The following RBPJ variants were observed in gnomAD, a reference collection of about 807,000 sequenced individuals.
RBPJ encodes recombination signal binding protein for immunoglobulin kappa J region.
In RBPJ, 9 loss-of-function variants were observed where a neutral mutation model predicts 67.8. The observed-to-expected ratio is 0.13, with a 90% CI of 0.08 to 0.23. The LOEUF is 0.23. Among genes scored for constraint, RBPJ ranks in the 10% least tolerant of loss-of-function variants. The probability of loss-of-function intolerance (pLI) is 1.00; values close to 1 mark genes in which losing one functional copy is unlikely to be tolerated. For missense variants in RBPJ, 305 were observed against 595.6 expected (o/e 0.51, Z 5.08); for synonymous variants, 198 against 203.3 (o/e 0.97, Z 0.22).
At chr4:26,140,533 G>A in the RBPJ span, among the ~76,000 whole-genome samples, 1 of 151,966 alleles carries the variant, frequency 6.6e-6, no homozygotes, top group African/African-American at 2.4e-5. Context: ...AATGGCTCCC[G>A]ATGGGCAGGG....
chr4:26,173,814 T>C (rs1364184808), intron 1 of RBPJ, among the ~76,000 whole-genome samples: 2 of 152,200 alleles, frequency 1.3e-5, no homozygotes, highest in Non-Finnish European at 2.9e-5. Flanking sequence ...GTGCTGAGCA[T>C]ATTAAAATAA....
At chr4:26,415,354 A>G in intron 3 of RBPJ, 121 bp from the exon 4 acceptor site, 3 of 867,464 alleles carry the variant, frequency 3.5e-6, no homozygotes. Context: ...AAAATTTTTC[A>G]TTGGGGAATA....
intron 1 of RBPJ, among the ~76,000 whole-genome samples, chr4:26,272,933 T>C (rs910150458): frequency 1.3e-4 from 20 of 152,212 alleles, no homozygotes; most frequent in African/African-American, 4.8e-4. Flanking sequence ...CTAAGGTGAA[T>C]GTTTACATTA....
At chr4:26,229,365 C>T (rs1197063413) in intron 1 of RBPJ, among the ~76,000 whole-genome samples, 2 of 152,144 alleles carry the variant, frequency 1.3e-5, no homozygotes, top group Non-Finnish European at 2.9e-5. Context: ...CCTGGCACAA[C>T]TCAGAAATGG....
intron 1 of RBPJ, among the ~76,000 whole-genome samples, chr4:26,332,673 C>T (rs181451625): frequency 6.6e-6 from 1 of 152,278 alleles, no homozygotes; most frequent in African/African-American, 2.4e-5. Context: ...CTTCTTGAGA[C>T]AGGGTCTCGC....
At chr4:26,214,544 G>C (rs1472087419) in intron 1 of RBPJ, among the ~76,000 whole-genome samples, 2 of 117,588 alleles carry the variant, frequency 1.7e-5, no homozygotes, top group Non-Finnish European at 3.6e-5. Context: ...AGGGAGGGAG[G>C]GAGGGAGGGA....
chr4:26,129,815 A>AT, the RBPJ span, among the ~76,000 whole-genome samples: 16 of 150,478 alleles, frequency 1.1e-4, no homozygotes, highest in Non-Finnish European at 1.5e-4. Flanking sequence ...CATCACCTGA[A>AT]TTTTTTTTTT....
At chr4:26,335,844 C>T (rs1043770922) in intron 1 of RBPJ, among the ~76,000 whole-genome samples, 5 of 151,636 alleles carry the variant, frequency 3.3e-5, no homozygotes, top group East Asian at 1.9e-4. Flanking sequence ...AGGATGGTCT[C>T]GAACTTCTGA....
chr4:26,227,235 G>A (rs762196677), intron 1 of RBPJ, among the ~76,000 whole-genome samples: 1 of 152,182 alleles, frequency 6.6e-6, no homozygotes, highest in Non-Finnish European at 1.5e-5. Flanking sequence ...CTAACAGAGA[G>A]TTCAAAACCT....
At chr4:26,318,878 T>C (rs958708887), upstream of RBPJ, among the ~76,000 whole-genome samples, 1 of 151,344 alleles carries the variant, frequency 6.6e-6, no homozygotes. Flanking sequence ...GCGCCTGTAG[T>C]TCCAGCTACT....
intron 1 of RBPJ, among the ~76,000 whole-genome samples, chr4:26,254,418 G>C (rs900193824): frequency 6.1e-5 from 9 of 148,260 alleles, no homozygotes; most frequent in Non-Finnish European, 1.3e-4. Flanking sequence ...TCAACTTTAG[G>C]GTCTCAGGGC....
intron 1 of RBPJ, among the ~76,000 whole-genome samples, chr4:26,342,596 G>A (rs537845376): frequency 3.3e-4 from 51 of 152,294 alleles, no homozygotes; most frequent in African/African-American, 1.2e-3. Context: ...TCACTAACCA[G>A]ACAAGCCTCT....
the RBPJ span, among the ~76,000 whole-genome samples, chr4:26,123,632 G>A: frequency 6.6e-6 from 1 of 151,782 alleles, no homozygotes; most frequent in African/African-American, 2.4e-5. Context: ...AATACACATC[G>A]TACAGCTATA....
chr4:26,120,074 A>G, the RBPJ span, among the ~76,000 whole-genome samples: 1 of 152,228 alleles, frequency 6.6e-6, no homozygotes, highest in African/African-American at 2.4e-5. Context: ...CACATGAGAC[A>G]CCAGTAAATG....
chr4:26,180,115 T>C (rs1359491759), intron 1 of RBPJ, among the ~76,000 whole-genome samples: 2 of 151,980 alleles, frequency 1.3e-5, no homozygotes, highest in Non-Finnish European at 2.9e-5. Context: ...AAGTGGGAGC[T>C]AAATGATGAG....
At chr4:26,202,405 A>G (rs1038000561) in intron 1 of RBPJ, among the ~76,000 whole-genome samples, 5 of 152,008 alleles carry the variant, frequency 3.3e-5, no homozygotes, top group African/African-American at 1.2e-4. Context: ...TGTCCAATAG[A>G]CAACTCAAAT....
the RBPJ span, among the ~76,000 whole-genome samples, chr4:26,114,806 T>C: frequency 6.6e-6 from 1 of 152,208 alleles, no homozygotes; most frequent in African/African-American, 2.4e-5. Flanking sequence ...CGTCACCTCA[T>C]ATTGACTTAA....
At chr4:26,188,218 C>T (rs1717346475) in intron 1 of RBPJ, among the ~76,000 whole-genome samples, 2 of 152,076 alleles carry the variant, frequency 1.3e-5, no homozygotes, top group Admixed American at 6.6e-5. Context: ...CACACACACA[C>T]ATACACACAC....
At chr4:26,180,003 T>C (rs1211877457) in intron 1 of RBPJ, among the ~76,000 whole-genome samples, 2 of 152,172 alleles carry the variant, frequency 1.3e-5, no homozygotes, top group Non-Finnish European at 2.9e-5. Context: ...ATAAAAAGAA[T>C]GAGATCCTAT....
Sources: allele counts gnomAD v4.1 joint callset (sites outside exome capture counted in the v4.1 genomes callset), GRCh38; gene constraint gnomAD v4.1.1; transcripts MANE v1.5; gene names NCBI Gene and HGNC (gene_info 2026-07-23, HGNC 2026-07-21).